Variants in MEF2C observed in about 807,000 individuals in gnomAD.
MEF2C encodes the protein myocyte enhancer factor 2C, also known as myocyte-specific enhancer factor 2C.
MEF2C carries 6 observed loss-of-function variants against 50.5 expected under a neutral mutation model. That is an observed-to-expected ratio of 0.12 (90% CI 0.07 to 0.23). MEF2C has a LOEUF of 0.23. MEF2C is among the 10% of genes least tolerant of loss of function. The pLI, the probability that MEF2C is intolerant of heterozygous loss-of-function variation, is 1.00. For synonymous variants in MEF2C, 183 were observed against 228.0 expected (o/e 0.80, Z 1.78); for missense variants, 276 against 605.0 (o/e 0.46, Z 5.70).
At chr5:88,838,292 C>T (rs1404666163) in intron 1 of MEF2C, among the ~76,000 whole-genome samples, 2 of 151,958 alleles carry the variant, frequency 1.3e-5, no homozygotes, top group African/African-American at 4.8e-5. Context: ...GTTTACTTCC[C>T]TGTGCCAGCA....
intron 1 of MEF2C, among the ~76,000 whole-genome samples, chr5:88,836,071 T>G (rs188841344): frequency 2.0e-5 from 3 of 152,290 alleles, no homozygotes. Context: ...ATTTCCTGTT[T>G]GGTGAACATA....
At chr5:88,784,419 A>C (rs1432010270) in intron 3 of MEF2C, among the ~76,000 whole-genome samples, 1 of 152,224 alleles carries the variant, frequency 6.6e-6, no homozygotes, top group Non-Finnish European at 1.5e-5. Flanking sequence ...TAAATTATGT[A>C]TAACATATAA....
intron 4 of MEF2C, among the ~76,000 whole-genome samples, chr5:88,755,698 T>G (rs1431447600): frequency 6.6e-6 from 1 of 152,254 alleles, no homozygotes; most frequent in African/African-American, 2.4e-5. Context: ...CTGTTACTAC[T>G]TATAAATGTT....
chr5:88,753,224 A>C (rs1482300072), intron 4 of MEF2C, among the ~76,000 whole-genome samples: 1 of 152,068 alleles, frequency 6.6e-6, no homozygotes, highest in Non-Finnish European at 1.5e-5. Flanking sequence ...TGATGATCAC[A>C]ATACTTTTCT....
intron 3 of MEF2C, among the ~76,000 whole-genome samples, chr5:88,770,974 C>T (rs1464739375): frequency 6.6e-6 from 1 of 152,228 alleles, no homozygotes; most frequent in Non-Finnish European, 1.5e-5. Context: ...CACAGTTTCA[C>T]ATGGCTGGGG....
At chr5:88,742,458 A>G (rs186545456) in intron 6 of MEF2C, 1 of 980,324 alleles carries the variant, frequency 1.0e-6, no homozygotes, top group East Asian at 1.1e-4. Flanking sequence ...GGTTAAATCA[A>G]TGGGATATGA....
At chr5:88,895,172 G>A (rs1834989296) in intron 1 of MEF2C, among the ~76,000 whole-genome samples, 1 of 151,932 alleles carries the variant, frequency 6.6e-6, no homozygotes, top group South Asian at 2.1e-4. Flanking sequence ...TTTAAAAGAT[G>A]TTTTCTTTTC....
chr5:88,793,016 G>A (rs1794478893), intron 3 of MEF2C, among the ~76,000 whole-genome samples: 1 of 152,110 alleles, frequency 6.6e-6, no homozygotes, highest in African/African-American at 2.4e-5. Flanking sequence ...CTGGGAATAT[G>A]ATGGTGAGCA....
intron 5 of MEF2C, chr5:88,749,593 G>T: frequency 1.4e-6 from 1 of 709,860 alleles, no homozygotes; most frequent in Non-Finnish European, 1.7e-6. Context: ...CTTATTGACT[G>T]ACACAATATA....
chr5:88,835,282 T>C (rs1400114229), intron 1 of MEF2C, among the ~76,000 whole-genome samples: 5 of 152,156 alleles, frequency 3.3e-5, no homozygotes, highest in African/African-American at 4.8e-5. Context: ...GTGGGCTAGG[T>C]TGATTTATTT....
chr5:88,831,339 CAAT>C (rs917992538), intron 1 of MEF2C, among the ~76,000 whole-genome samples: 3 of 151,806 alleles, frequency 2.0e-5, no homozygotes, highest in African/African-American at 7.3e-5. Context: ...TAAATAATCA[CAAT>C]ATTATTAAGA....
chr5:88,884,995 T>A (rs537743044), upstream of MEF2C, among the ~76,000 whole-genome samples: 57 of 152,310 alleles, frequency 3.7e-4, no homozygotes, highest in African/African-American at 1.2e-3. Context: ...AACTATTTTT[T>A]AAAAAATATT....
intron 6 of MEF2C, chr5:88,739,449 G>A (rs1172150431): frequency 1.0e-6 from 1 of 959,766 alleles, no homozygotes; most frequent in East Asian, 1.1e-4. Flanking sequence ...TTATATTTTA[G>A]TTTTTAAAGT....
intron 4 of MEF2C, chr5:88,752,619 A>G (rs1773358715): frequency 4.1e-6 from 4 of 985,258 alleles, no homozygotes; most frequent in South Asian, 4.7e-5. Context: ...GTATCATTCA[A>G]TAATTCACAT....
intron 1 of MEF2C, among the ~76,000 whole-genome samples, chr5:88,831,466 C>T (rs990149484): frequency 2.6e-5 from 4 of 151,604 alleles, no homozygotes; most frequent in Non-Finnish European, 4.4e-5. Flanking sequence ...TTGCTTCTTT[C>T]ATTATTTATT....
intron 3 of MEF2C, 101 bp downstream of exon 3, chr5:88,804,497 C>A: frequency 9.6e-7 from 1 of 1,044,754 alleles, no homozygotes; most frequent in Non-Finnish European, 1.4e-6. Context: ...CTATGAACAT[C>A]TTAAGAAAAA....
chr5:88,854,592 A>G (rs1227353444), intron 1 of MEF2C, among the ~76,000 whole-genome samples: 1 of 152,204 alleles, frequency 6.6e-6, no homozygotes, highest in East Asian at 1.9e-4. Flanking sequence ...AATTAGGATA[A>G]TTATTACCCT....
intron 3 of MEF2C, among the ~76,000 whole-genome samples, chr5:88,770,826 C>T (rs1392459526): frequency 6.6e-6 from 1 of 152,212 alleles, no homozygotes; most frequent in Non-Finnish European, 1.5e-5. Context: ...TGGCTGTTCT[C>T]CTTGAAAACC....
At chr5:88,816,725 T>C (rs17486525) in intron 2 of MEF2C, among the ~76,000 whole-genome samples, 5,105 of 151,972 alleles carry the variant, frequency 0.034, 113 homozygotes, top group Non-Finnish European at 0.05. Flanking sequence ...TCCTAAAATA[T>C]TACTATGACA....
Sources: gnomAD v4.1 joint callset for allele counts (sites outside exome capture counted in the v4.1 genomes callset) on GRCh38, gnomAD v4.1.1 for gene constraint, MANE v1.5 for transcripts, NCBI Gene and HGNC (gene_info 2026-07-23, HGNC 2026-07-21) for gene names.